Variants in DCDC2C observed in about 807,000 individuals in gnomAD.
DCDC2C encodes doublecortin domain containing 2C.
DCDC2C carries 44 observed loss-of-function variants against 45.0 expected under a neutral mutation model. The observed-to-expected ratio is 0.98, with a 90% CI of 0.77 to 1.26. The LOEUF (loss-of-function observed/expected upper bound fraction) is 1.26, where lower values mean the gene tolerates loss of function less well. Among genes scored for constraint, DCDC2C ranks in the 50% most tolerant of loss-of-function variants. The pLI, the probability that DCDC2C is intolerant of heterozygous loss-of-function variation, is 0.00. For synonymous variants in DCDC2C, 187 were observed against 178.8 expected (o/e 1.05, Z -0.37); for missense variants, 447 against 468.9 (o/e 0.95, Z 0.43).
intron 2 of DCDC2C, among the ~76,000 whole-genome samples, chr2:3,709,928 C>T (rs1336762017): frequency 6.6e-6 from 1 of 152,066 alleles, no homozygotes; most frequent in Non-Finnish European, 1.5e-5. Flanking sequence ...AAACACTGAG[C>T]AGGCACACCA....
chr2:3,779,805 C>T (rs1425956332), intron 9 of DCDC2C, among the ~76,000 whole-genome samples: 1 of 152,070 alleles, frequency 6.6e-6, no homozygotes, highest in Non-Finnish European at 1.5e-5. Context: ...TGCCCTGCAG[C>T]TTCCTGGCTG....
At chr2:3,786,276 C>T (rs1670649546) in intron 10 of DCDC2C, among the ~76,000 whole-genome samples, 1 of 147,888 alleles carries the variant, frequency 6.8e-6, no homozygotes, top group South Asian at 2.2e-4. Context: ...GGATGTTTCC[C>T]GCCCCCGCCC....
intron 3 of DCDC2C, among the ~76,000 whole-genome samples, chr2:3,735,425 C>T (rs1018653427): frequency 2.0e-5 from 3 of 152,026 alleles, no homozygotes; most frequent in African/African-American, 7.2e-5. Context: ...CCCCCCACCC[C>T]ACAACAGTCC....
At chr2:3,774,556 G>T (rs1437599995) in intron 8 of DCDC2C, among the ~76,000 whole-genome samples, 1 of 152,204 alleles carries the variant, frequency 6.6e-6, no homozygotes, top group Non-Finnish European at 1.5e-5. Context: ...GCTGGGGAGA[G>T]TAGAGAGACT....
chr2:3,805,768 A>C (rs764350151), intron 10 of DCDC2C, among the ~76,000 whole-genome samples: 1 of 152,250 alleles, frequency 6.6e-6, no homozygotes, highest in Non-Finnish European at 1.5e-5. Flanking sequence ...GAACAGTGTG[A>C]TGAAATGCAA....
intron 8 of DCDC2C, among the ~76,000 whole-genome samples, chr2:3,771,140 C>T (rs192597606): frequency 6.6e-6 from 1 of 152,328 alleles, no homozygotes; most frequent in East Asian, 1.9e-4. Context: ...ATCCGTCCTC[C>T]CTCTGCATCC....
chr2:3,803,214 T>A (rs540695472), intron 10 of DCDC2C, among the ~76,000 whole-genome samples: 5 of 152,354 alleles, frequency 3.3e-5, no homozygotes, highest in Admixed American at 3.3e-4. Context: ...AATGGTTGAA[T>A]TCAGTGATGA....
intron 6 of DCDC2C, among the ~76,000 whole-genome samples, chr2:3,756,336 G>A (rs953705412): frequency 1.3e-5 from 2 of 152,160 alleles, no homozygotes; most frequent in East Asian, 1.9e-4. Flanking sequence ...TCCAGTGCCT[G>A]TCTGCCTGGC....
intron 6 of DCDC2C, among the ~76,000 whole-genome samples, chr2:3,759,936 G>A (rs1001410863): frequency 5.9e-5 from 9 of 152,228 alleles, no homozygotes; most frequent in Admixed American, 2.6e-4. Flanking sequence ...TGCCGTCAAG[G>A]CAAAGCTGTA....
At chr2:3,788,542 G>A (rs1363685943) in intron 10 of DCDC2C, 1 of 151,996 alleles carries the variant, frequency 6.6e-6, no homozygotes, top group Non-Finnish European at 1.5e-5. Context: ...CAGAAATCAA[G>A]TATAATTTTG....
At chr2:3,767,673 T>C (rs1670049240) in intron 6 of DCDC2C, 81 bp from the exon 7 acceptor site, 1 of 1,496,280 alleles carries the variant, frequency 6.7e-7, no homozygotes, top group Non-Finnish European at 9.0e-7. Flanking sequence ...TGTGTCTTCC[T>C]GACCACACCC....
intron 10 of DCDC2C, among the ~76,000 whole-genome samples, chr2:3,803,957 C>T (rs920606244): frequency 6.6e-6 from 1 of 152,204 alleles, no homozygotes; most frequent in Non-Finnish European, 1.5e-5. Flanking sequence ...CTGTATTGTC[C>T]CCACCTAAGT....
chr2:3,781,229 A>G (rs1670499781), intron 9 of DCDC2C, among the ~76,000 whole-genome samples: 1 of 152,280 alleles, frequency 6.6e-6, no homozygotes, highest in African/African-American at 2.4e-5. Flanking sequence ...TTCCTGGCCA[A>G]TAGGCCACGG....
intron 10 of DCDC2C, 123 bp from the exon 11 acceptor site, chr2:3,847,031 G>A: frequency 6.6e-6 from 1 of 151,890 alleles, no homozygotes; most frequent in Non-Finnish European, 1.4e-5. Flanking sequence ...ACCCCTCCCA[G>A]GAACAACACC....
chr2:3,728,501 T>A (rs534742313), intron 3 of DCDC2C, among the ~76,000 whole-genome samples: 2 of 152,338 alleles, frequency 1.3e-5, no homozygotes, highest in South Asian at 4.1e-4. Flanking sequence ...CCACATTTTA[T>A]GTGCGTGACC....
chr2:3,829,691 C>T (rs893123320), intron 10 of DCDC2C, among the ~76,000 whole-genome samples: 1 of 151,952 alleles, frequency 6.6e-6, no homozygotes, highest in East Asian at 1.9e-4. Flanking sequence ...AGATTTACTC[C>T]CCTGAACCAG....
chr2:3,727,302 A>T (rs952513759), intron 3 of DCDC2C, among the ~76,000 whole-genome samples: 2 of 151,784 alleles, frequency 1.3e-5, no homozygotes, highest in Non-Finnish European at 2.9e-5. Flanking sequence ...CTCCTCTTGA[A>T]CCCTGATTTT....
chr2:3,834,396 CTT>C (rs1672023704), intron 10 of DCDC2C, among the ~76,000 whole-genome samples: 1 of 152,228 alleles, frequency 6.6e-6, no homozygotes, highest in Admixed American at 6.5e-5. Context: ...CAATGGGTCT[CTT>C]TACTACCTCC....
chr2:3,800,929 C>T (rs1671097900), intron 10 of DCDC2C, among the ~76,000 whole-genome samples: 1 of 152,108 alleles, frequency 6.6e-6, no homozygotes, highest in South Asian at 2.1e-4. Context: ...GGGAAGGAGG[C>T]CAATGACTCT....
Sources: gnomAD v4.1 joint callset for allele counts (sites outside exome capture counted in the v4.1 genomes callset) on GRCh38, gnomAD v4.1.1 for gene constraint, MANE v1.5 for transcripts, NCBI Gene and HGNC (gene_info 2026-07-23, HGNC 2026-07-21) for gene names.